The following PCDHA9 variants were observed in gnomAD, a reference collection of about 807,000 sequenced individuals.
PCDHA9 encodes protocadherin alpha-9.
PCDHA9 carries 62 observed loss-of-function variants against 62.0 expected under a neutral mutation model. The observed-to-expected ratio is 1.00, with a 90% CI of 0.81 to 1.23. PCDHA9 has a LOEUF of 1.23. Ranked by LOEUF, PCDHA9 falls within the 50% of genes most tolerant of loss-of-function variation. The pLI is 0.00. For missense variants in PCDHA9, 1,205 were observed against 1,249.8 expected (o/e 0.96, Z 0.54); for synonymous variants, 557 against 567.6 (o/e 0.98, Z 0.27).
intron 1 of PCDHA9, chr5:140,969,554 TC>T: frequency 8.2e-7 from 1 of 1,222,072 alleles, no homozygotes; most frequent in Non-Finnish European, 1.1e-6. Context: ...TGAAGCCTTG[TC>T]CATAAAATTG....
chr5:140,914,426 A>G (rs1554196349), intron 1 of PCDHA9, among the ~76,000 whole-genome samples: 1 of 152,140 alleles, frequency 6.6e-6, no homozygotes, highest in African/African-American at 2.4e-5. Context: ...TTAGCAAGGA[A>G]TATCTTTTCC....
At position 140,849,809 on chromosome 5, in the gene PCDHA9, G is replaced by T. The variant is rs147465571; in HGVS notation, c.1314G>T (p.Thr438=). 1.1e-3 allele frequency: 1,794 copies of T among 1,598,496 alleles called. 170 individuals are homozygous for T. The highest frequency in any genetic ancestry group is 1.4e-3 in the Non-Finnish European group (1,689 of 1,167,928). The change falls in exon 1 of 4, where the codon ACG becomes ACT. Residue 438 remains threonine, a synonymous_variant. Transcript: ENST00000532602. The part of the protein sequence containing the change: ...RDGGSPSLWA[T]ARVSVEVADV... ...GGGGCTCGCCTTCACTGTGGGCCACGGCCAGGGTGTCTGTGGAGGTGGCCG... is the reference window on the plus strand; with the variant it reads ...GGGGCTCGCCTTCACTGTGGGCCACTGCCAGGGTGTCTGTGGAGGTGGCCG...
chr5:140,862,895 T>A, intron 1 of PCDHA9: 1 of 553,854 alleles, frequency 1.8e-6, no homozygotes, highest in South Asian at 1.4e-5. Context: ...ACGACAACTT[T>A]GTCTGCGCTG....
In PCDHA9 at chr5:140,929,288, G is replaced by A. The variant is rs386352346; in HGVS notation, c.2395-49661G>A. 3.1e-6 allele frequency: 5 copies of A among 1,597,514 alleles called. No homozygotes were observed. Among genetic ancestry groups the A allele is most frequent in the Non-Finnish European group, 3.4e-6 (4 of 1,168,792 alleles). On this transcript the variant is annotated intron_variant, in intron 1 of 3. Transcript: ENST00000532602. ...TTGCCAATATCCTGTATTCAGATTC[G>A]GAATAGGAAAGGGGATCACGCTAAT... is the stretch of plus-strand genomic sequence containing the variant.
intron 1 of PCDHA9, chr5:140,857,488 C>A (rs782255025): frequency 6.3e-7 from 1 of 1,598,442 alleles, no homozygotes; most frequent in South Asian, 1.1e-5. Context: ...CTGCGTGGGA[C>A]GCGGACGCGC....
chr5:140,919,307 T>C (rs567605906), intron 1 of PCDHA9, among the ~76,000 whole-genome samples: 2 of 152,348 alleles, frequency 1.3e-5, no homozygotes, highest in East Asian at 1.9e-4. Context: ...GTACAATATA[T>C]GTTTTCCCAT....
At chr5:141,000,381 CTCTCTCTCTCTCTCTA>C (rs1443323474) in intron 3 of PCDHA9, among the ~76,000 whole-genome samples, 1 of 61,380 alleles carries the variant, frequency 1.6e-5, no homozygotes, top group African/African-American at 7.4e-5. Flanking sequence ...CTCTCTCTCT[CTCTCTCTCTCTCTCTA>C]TATATATATA....
chr5:140,963,238 A>G (rs1347398946), intron 1 of PCDHA9, among the ~76,000 whole-genome samples: 1 of 152,090 alleles, frequency 6.6e-6, no homozygotes, highest in Non-Finnish European at 1.5e-5. Context: ...TGTTTGATGG[A>G]TTAGGTAGGT....
chr5:140,953,809 G>A (rs1244835717), intron 1 of PCDHA9, among the ~76,000 whole-genome samples: 2 of 152,168 alleles, frequency 1.3e-5, no homozygotes, highest in East Asian at 1.9e-4. Context: ...GTTCTGAGGT[G>A]CATGTGCTAG....
rs377755323 is a variant in PCDHA9 at position 140,870,200 on chromosome 5, C to T, written c.2394+19311C>T. Reference sequence around the variant, plus strand: ...GTACGAGAGGACGCTCAGCCCAGCACGGTCATTGCCCTGATCAGCGTGTCT... The same window carrying T: ...GTACGAGAGGACGCTCAGCCCAGCATGGTCATTGCCCTGATCAGCGTGTCT... On this transcript the variant is annotated intron_variant, in intron 1 of 3. Transcript: ENST00000532602. 7 of 1,614,172 alleles carry T rather than the reference C, an allele frequency of 4.3e-6. No homozygotes were observed. The African/African-American group carries it at 5.3e-5, about 12-fold the overall frequency.
rs374506056 is a variant in PCDHA9, at chr5:140,858,272, G to T, written c.2394+7383G>T. 1.3e-4 allele frequency: 201 copies of T among 1,597,346 alleles called. 14 individuals carry two copies. In the African/African-American group the frequency reaches 2.1e-3, roughly 17 times the overall value. On this transcript the variant is annotated intron_variant, in intron 1 of 3. Transcript: ENST00000532602. The stretch of plus-strand genomic sequence containing the variant: ...GAAGCCCACGCTGGTGTGCTCTAGC[G>T]CGGTGGGGAGCTGGTCTTACTCGCA...
intron 3 of PCDHA9, among the ~76,000 whole-genome samples, chr5:140,999,585 G>C (rs1240906342): frequency 6.6e-6 from 1 of 152,152 alleles, no homozygotes; most frequent in Non-Finnish European, 1.5e-5. Flanking sequence ...AAGGGAAATT[G>C]CCTTCCCTAC....
At chr5:140,967,718 C>G (rs959323631) in intron 1 of PCDHA9, 1 of 1,613,988 alleles carries the variant, frequency 6.2e-7, no homozygotes, top group Non-Finnish European at 8.5e-7. Flanking sequence ...CGGGGAAGTG[C>G]GAGTAATTGG....
At chr5:140,924,572 A>G (rs1345446158) in intron 1 of PCDHA9, among the ~76,000 whole-genome samples, 1 of 152,132 alleles carries the variant, frequency 6.6e-6, no homozygotes, top group African/African-American at 2.4e-5. Flanking sequence ...CAATTTTTAA[A>G]TGTTTTCAAA....
At chr5:140,965,657 T>TA (rs2095920205) in intron 1 of PCDHA9, among the ~76,000 whole-genome samples, 2 of 152,196 alleles carry the variant, frequency 1.3e-5, no homozygotes, top group Non-Finnish European at 2.9e-5. Context: ...AGAAAATGTC[T>TA]TGGGTGATAA....
Position 140,982,836 on chromosome 5 carries a change from T to C in PCDHA9, c.2542+273T>C, listed in dbSNP as rs2097010696. 2.6e-5 allele frequency among the ~76,000 whole-genome samples: 4 copies of C among 152,244 alleles called. No individual in the cohort carries two copies. The South Asian group carries it at 8.3e-4, about 32-fold the overall frequency. ...ATGAAGTTTTTGGGGTTTGTTTGTT[T>C]GTTTAAATCAGGTACCTTTCAAATG... On this transcript the variant is annotated intron_variant, in intron 3 of 3. Coordinates refer to ENST00000532602, the MANE Select transcript of PCDHA9 (RefSeq NM_031857.2).
At chr5:140,980,910 T>G (rs1554242463) in intron 2 of PCDHA9, among the ~76,000 whole-genome samples, 1 of 152,206 alleles carries the variant, frequency 6.6e-6, no homozygotes, top group East Asian at 1.9e-4. Context: ...ATGTAACTAT[T>G]CTTTAAAAAA....
At chr5:140,858,475 G>A in intron 1 of PCDHA9, 1 of 1,517,006 alleles carries the variant, frequency 6.6e-7, no homozygotes, top group Non-Finnish European at 9.0e-7. Flanking sequence ...TGTGCTTTAT[G>A]AATAATATTT....
At chr5:141,005,701 CAAAAAAAAAAAAAAAAAAAA>C (rs59860837) in intron 3 of PCDHA9, among the ~76,000 whole-genome samples, 1 of 7,786 alleles carries the variant, frequency 1.3e-4, no homozygotes, top group Admixed American at 1.6e-3. Flanking sequence ...AACTCCGTCT[CAAAAAAAAAAAAAAAAAAAA>C]AAAAAAAAAA....
Sources: gnomAD v4.1 joint callset for allele counts (sites outside exome capture counted in the v4.1 genomes callset) on GRCh38, gnomAD v4.1.1 for gene constraint, MANE v1.5 for transcripts, NCBI Gene and HGNC (gene_info 2026-07-23, HGNC 2026-07-21) for gene names.